STK38: variants seen among roughly 807,000 people sequenced by gnomAD.
STK38 encodes the protein serine/threonine kinase 38, also known as serine/threonine-protein kinase 38.
In STK38, 26 loss-of-function variants were observed where a neutral mutation model predicts 59.0. The ratio of observed to expected loss-of-function variants is 0.44; its 90% confidence interval spans 0.32 to 0.61. The LOEUF (loss-of-function observed/expected upper bound fraction) is 0.61, where lower values mean the gene tolerates loss of function less well. STK38 is among the 20% of genes least tolerant of loss of function. The probability of loss-of-function intolerance (pLI) is 0.04; values close to 1 mark genes in which losing one functional copy is unlikely to be tolerated. For missense variants in STK38, 433 were observed against 566.0 expected, an observed-to-expected ratio of 0.76 and a Z score of 2.38; for synonymous variants, 175 against 176.6, an observed-to-expected ratio of 0.99 and a Z score of 0.07.
intron 3 of STK38, among the ~76,000 whole-genome samples, chr6:36,525,190 T>G (rs1229708740): frequency 6.6e-6 from 1 of 152,184 alleles, no homozygotes; most frequent in African/African-American, 2.4e-5. Flanking sequence ...TATATACCTA[T>G]GTAATAAACC....
In STK38 at chr6:36,493,911, C is replaced by A. The variant is rs116120255; in HGVS notation, c.*1873G>T. On this transcript the variant is annotated 3_prime_UTR_variant, in exon 14 of 14. Transcript: ENST00000229812. ...CACTACTGTTTTTACACAGTTTATT[C>A]AGAAGTTTAAAAGTTAAAATGTGGG... The A allele has an allele frequency of 6.6e-6, 1 of 152,124 alleles. No homozygotes were observed. The highest frequency in any genetic ancestry group is 1.5e-5 in the Non-Finnish European group (1 of 68,020). The allele number at this position is 152,124 out of a possible 1,614,324, so 9.4% of individuals were successfully genotyped here.
At chr6:36,515,555 C>A (rs557503612) in intron 6 of STK38, 63 bp from the exon 7 acceptor site, 103 of 1,515,610 alleles carry the variant, frequency 6.8e-5, no homozygotes, top group Non-Finnish European at 8.3e-5. Flanking sequence ...CACACACACA[C>A]AACATACGAG....
rs767953815 is a variant in STK38 at position 36,497,840 on chromosome 6, G to T, written c.1112C>A (p.Pro371His). The change falls in exon 12 of 14, where the codon CCT becomes CAT. Residue 371 changes from proline to histidine, a missense_variant. Pro to His is a moderately conservative substitution (Grantham distance 77). Around this residue, in one of 3 missense-constraint regions of STK38, gnomAD observed 136 missense variants for 156.7 expected, o/e 0.87. Transcript: ENST00000229812. Reference sequence around the variant, plus strand: ...GTTACTTTTTATTTCCTCAACTCCAGGAGCTCCAATTCTATGTTCCCATTC... The same window carrying T: ...GTTACTTTTTATTTCCTCAACTCCATGAGCTCCAATTCTATGTTCCCATTC... ...CCEWEHRIGA[P>H]GVEEIKSNSF... The T allele has an allele frequency of 2.4e-5, 38 of 1,613,646 alleles. No homozygotes were observed. The highest frequency in any genetic ancestry group is 3.2e-5 in the Non-Finnish European group (38 of 1,179,960).
intron 7 of STK38, among the ~76,000 whole-genome samples, chr6:36,511,247 T>TAAAA (rs1338609766): frequency 6.6e-6 from 1 of 152,178 alleles, no homozygotes; most frequent in Non-Finnish European, 1.5e-5. Flanking sequence ...TGTTTTGTTT[T>TAAAA]AAAAGAAATC....
intron 4 of STK38, 91 bp downstream of exon 4, chr6:36,524,250 T>G: frequency 6.9e-7 from 1 of 1,456,332 alleles, no homozygotes; most frequent in Non-Finnish European, 9.2e-7. Flanking sequence ...TTCCATATAT[T>G]TGTTATATCA....
At chr6:36,517,104 TTCTC>T (rs1258582724) in intron 6 of STK38, among the ~76,000 whole-genome samples, 1 of 141,838 alleles carries the variant, frequency 7.1e-6, no homozygotes, top group African/African-American at 2.7e-5. Flanking sequence ...AAGAAAAAAG[TTCTC>T]TCTCTTTTTT....
intron 2 of STK38, among the ~76,000 whole-genome samples, chr6:36,534,106 T>C (rs1444847963): frequency 1.3e-5 from 2 of 152,134 alleles, no homozygotes; most frequent in African/African-American, 4.8e-5. Flanking sequence ...GATAATACAA[T>C]GTCATCAAGA....
intron 7 of STK38, among the ~76,000 whole-genome samples, chr6:36,508,447 G>A (rs1188639267): frequency 6.6e-6 from 1 of 152,218 alleles, no homozygotes; most frequent in East Asian, 1.9e-4. Context: ...GTTAAATGAA[G>A]AGTAAATCTT....
At chr6:36,514,574 G>T (rs899161098) in intron 7 of STK38, among the ~76,000 whole-genome samples, 5 of 152,052 alleles carry the variant, frequency 3.3e-5, no homozygotes, top group African/African-American at 1.2e-4. Flanking sequence ...ATTTGCCAAG[G>T]GTTATCTAGC....
chr6:36,495,988 G>T, intron 13 of STK38, 74 bp from the exon 14 acceptor site: 2 of 1,545,056 alleles, frequency 1.3e-6, no homozygotes, highest in South Asian at 1.1e-5. Flanking sequence ...CTGAAGACAG[G>T]ACTATGAAGA....
chr6:36,495,977 G>C, intron 13 of STK38, 63 bp from the exon 14 acceptor site: 1 of 1,589,154 alleles, frequency 6.3e-7, no homozygotes, highest in South Asian at 1.1e-5. Flanking sequence ...TGCTCACGGT[G>C]CTGAAGACAG....
At chr6:36,541,561 T>G (rs997683353) in intron 1 of STK38, among the ~76,000 whole-genome samples, 11 of 152,220 alleles carry the variant, frequency 7.2e-5, no homozygotes, top group African/African-American at 2.7e-4. Flanking sequence ...TAGAATTAAT[T>G]CAGTATGAAA....
chr6:36,537,851 A>C (rs1197428919), intron 2 of STK38, among the ~76,000 whole-genome samples: 1 of 151,882 alleles, frequency 6.6e-6, no homozygotes, highest in African/African-American at 2.4e-5. Context: ...GTAAGCTATG[A>C]TAGTGCCACT....
intron 2 of STK38, among the ~76,000 whole-genome samples, chr6:36,539,825 C>T (rs1197600685): frequency 6.7e-6 from 1 of 148,742 alleles, no homozygotes; most frequent in African/African-American, 2.5e-5. Flanking sequence ...CTAAAGCAAT[C>T]CTCCCAACTC....
At chr6:36,505,165 A>C (rs1776935675) in intron 9 of STK38, among the ~76,000 whole-genome samples, 1 of 152,308 alleles carries the variant, frequency 6.6e-6, no homozygotes, top group South Asian at 2.1e-4. Context: ...TGGAACCTGG[A>C]CATCAACATG....
chr6:36,540,466 G>A (rs1777907536), intron 1 of STK38, among the ~76,000 whole-genome samples: 1 of 152,186 alleles, frequency 6.6e-6, no homozygotes, highest in Admixed American at 6.5e-5. Flanking sequence ...TACACAGGAT[G>A]TTCAGCACAG....
intron 2 of STK38, among the ~76,000 whole-genome samples, chr6:36,538,815 C>A (rs1407143463): frequency 6.8e-6 from 1 of 147,646 alleles, no homozygotes; most frequent in East Asian, 2.0e-4. Context: ...TCACTTGAAC[C>A]CAGGAGGCAG....
At chr6:36,522,876 A>AAGAAG (rs1554168330) in intron 4 of STK38, among the ~76,000 whole-genome samples, 1 of 98,838 alleles carries the variant, frequency 1.0e-5, no homozygotes, top group African/African-American at 4.5e-5. Context: ...AAAAAAAAAA[A>AAGAAG]AAGAAGAAGA....
At chr6:36,500,758 CAAAAAA>C (rs753008721) in intron 9 of STK38, among the ~76,000 whole-genome samples, 7 of 58,432 alleles carry the variant, frequency 1.2e-4, no homozygotes, top group African/African-American at 3.7e-4. Flanking sequence ...GACTCTGTCT[CAAAAAA>C]AAAAAAAAAA....
Sources: gnomAD v4.1 joint callset for allele counts (sites outside exome capture counted in the v4.1 genomes callset) on GRCh38, gnomAD v4.1.1 for gene constraint, gnomAD v4.1.1 regional missense constraint, MANE v1.5 for transcripts, NCBI Gene and HGNC (gene_info 2026-07-23, HGNC 2026-07-21) for gene names.